SEMA3G: variants seen among roughly 807,000 people sequenced by gnomAD.
SEMA3G encodes semaphorin-3G.
In SEMA3G, 70 loss-of-function variants were observed where a neutral mutation model predicts 86.2. That is an observed-to-expected ratio of 0.81 (90% CI 0.67 to 0.99). The LOEUF is 0.99. Among genes scored for constraint, SEMA3G ranks in the 50% least tolerant of loss-of-function variants. SEMA3G has a pLI of 0.00. For synonymous variants in SEMA3G, 416 were observed against 441.4 expected (o/e 0.94, Z 0.72); for missense variants, 1,002 against 1,072.4 (o/e 0.93, Z 0.92).
chr3:52,441,158 C>G, intron 7 of SEMA3G, 106 bp downstream of exon 7: 1 of 1,509,544 alleles, frequency 6.6e-7, no homozygotes, highest in Non-Finnish European at 9.0e-7. Flanking sequence ...AGCTTTGCAT[C>G]CTTGCCTCAG....
At chr3:52,440,579 A>C in intron 9 of SEMA3G, 58 bp from the exon 10 acceptor site, 1 of 1,561,844 alleles carries the variant, frequency 6.4e-7, no homozygotes, top group Non-Finnish European at 8.7e-7. Flanking sequence ...AGAAGGGAAC[A>C]GCCTGGTTCC....
rs1272324510 is a variant in SEMA3G at position 52,443,152 on chromosome 3, T to C, written c.116-245A>G. On this transcript the variant is annotated intron_variant, in intron 1 of 15. Coordinates refer to ENST00000231721, the MANE Select transcript of SEMA3G (RefSeq NM_020163.3). ...GGCCTACCTCCCACCCCTCCATTCC[T>C]TAGCCCTTCATCATGCAGCTAACAT... 6.4e-6 allele frequency: 6 copies of C among 930,672 alleles called. No homozygotes were observed. In the East Asian group the frequency reaches 1.8e-4, roughly 27 times the overall value. 57.7% of individuals were successfully genotyped at this position (930,672 alleles called of 1,614,324 possible).
chr3:52,441,972 C>A, intron 4 of SEMA3G, 63 bp from the exon 5 acceptor site: 1 of 1,398,384 alleles, frequency 7.2e-7, no homozygotes, highest in Middle Eastern at 2.0e-4. Context: ...GCAGCCCACA[C>A]CCAAGCAGGA....
At position 52,441,697 on chromosome 3, in the gene SEMA3G, T is replaced by TG. The variant is rs759310837; in HGVS notation, c.551-8dup. 1.9e-6 allele frequency: 3 copies of TG among 1,610,414 alleles called. No homozygotes were observed. In the East Asian group the frequency reaches 6.7e-5, roughly 36 times the overall value. ...CCCGTGTACAGCTCCCCGTCTGGGG[T>TG]GGGGGTTGGGGAACAGAGTCAGGGG... On this transcript the variant is annotated splice_region_variant and splice_polypyrimidine_tract_variant and intron_variant, in intron 5 of 15. Coordinates refer to ENST00000231721, the MANE Select transcript of SEMA3G (RefSeq NM_020163.3).
At chr3:52,438,472 C>G (rs1356566140) in intron 13 of SEMA3G, 1 of 985,378 alleles carries the variant, frequency 1.0e-6, no homozygotes, top group African/African-American at 1.7e-5. Context: ...CCTTTGCCCT[C>G]TATCCCAGGG....
chr3:52,433,925 G>GC lies in SEMA3G; in HGVS notation c.*1677dup, dbSNP rs1705997500. The GC allele has an allele frequency of 6.6e-6, 1 of 152,222 alleles. No homozygotes were observed. The highest frequency in any genetic ancestry group is 2.1e-4 in the South Asian group (1 of 4,832). The allele number at this position is 152,222 out of a possible 1,614,324, so 9.4% of individuals were successfully genotyped here. ...ACCGCAGGCTGGAAGGCTTCTCAGG[G>GC]CGTTGATAGGTTAATCTCAGTGCTT... On this transcript the variant is annotated 3_prime_UTR_variant, in exon 16 of 16. Coordinates refer to ENST00000231721, the MANE Select transcript of SEMA3G (RefSeq NM_020163.3).
chr3:52,438,456 T>G (rs1706089160), intron 13 of SEMA3G: 1 of 985,456 alleles, frequency 1.0e-6, no homozygotes, highest in Non-Finnish European at 1.2e-6. Flanking sequence ...CCCTCCCAGG[T>G]GCTGACCTTT....
chr3:52,435,843 G>A lies in SEMA3G; in HGVS notation c.2109C>T (p.Pro703=). 1 of 1,614,070 alleles carries A rather than the reference G, an allele frequency of 6.2e-7. No individual in the cohort carries two copies. Among genetic ancestry groups the A allele is most frequent in the Non-Finnish European group, 8.5e-7 (1 of 1,180,012 alleles). The change falls in exon 16 of 16, where the codon CCC becomes CCT. Residue 703 remains proline (P), a synonymous_variant. Transcript: ENST00000231721. ...PARGGLASTP[P]KAWYKDILQL... Reference sequence around the variant, plus strand: ...GCAGGATGTCCTTGTACCAGGCCTTGGGTGGGGTGGAAGCCAGGCCTCCCC... The same window carrying A: ...GCAGGATGTCCTTGTACCAGGCCTTAGGTGGGGTGGAAGCCAGGCCTCCCC...
Position 52,442,269 on chromosome 3 carries a change from A to ACC in SEMA3G, c.374_375insGG (p.His126ValfsTer8). ...AGGCTAGCAGGTGGGTCCGGTTGTG[A>ACC]GGCTGTAGCACCCGCACGAAGTTGG... On this transcript the variant is annotated frameshift_variant, in exon 4 of 16. Coordinates refer to ENST00000231721, the MANE Select transcript of SEMA3G (RefSeq NM_020163.3). LOFTEE classifies it high-confidence loss of function. The surrounding 1 kb of genome is among the most constrained non-coding windows in gnomAD (Gnocchi z 6.1). 1 of 1,613,284 alleles carries ACC rather than the reference A, an allele frequency of 6.2e-7. No homozygotes were observed. The highest frequency in any genetic ancestry group is 8.5e-7 in the Non-Finnish European group (1 of 1,179,708).
rs1192981918 is a variant in SEMA3G at position 52,444,991 on chromosome 3, C to A, written c.37G>T (p.Gly13Trp). Residue 13 changes from glycine to tryptophan, a missense_variant, in exon 1 of 16, where the codon GGG (glycine) becomes TGG (tryptophan). Transcript: ENST00000231721. ...CTACCCCCATGGAGCAGGAGGCCCC[C>A]TAGCAGCCAGCAAATGGCCCAGGCC... ...PSAWAICWLL[G>W]GLLLHGGSSG... 3.1e-6 allele frequency: 4 copies of A among 1,290,608 alleles called. No individual in the cohort carries two copies. The highest frequency in any genetic ancestry group is 3.0e-6 in the Non-Finnish European group (3 of 1,013,276). The allele number at this position is 1,290,608 out of a possible 1,614,324, so 79.9% of individuals were successfully genotyped here.
chr3:52,440,370 TACTC>T lies in SEMA3G; in HGVS notation c.1143+3_1143+6del, dbSNP rs1164031549. 2 of 1,593,110 alleles carry T rather than the reference TACTC, an allele frequency of 1.3e-6. No individual in the cohort carries two copies. The highest frequency in any genetic ancestry group is 4.5e-5 in the East Asian group (2 of 44,648). On this transcript the variant is annotated splice_donor_5th_base_variant and intron_variant, in intron 10 of 15. Coordinates refer to ENST00000231721, the MANE Select transcript of SEMA3G (RefSeq NM_020163.3). ...GCTTCCCTGGCCTGGCCCCAGCAGA[TACTC>T]ACCACGCCAGGGCGAGGGAAGGGCA...
At position 52,440,732 on chromosome 3, in the gene SEMA3G, C is replaced by T. The variant is rs1331568387; in HGVS notation, c.998+22G>A. ...ACAAAGACAGGGGCCCATCGCAAGG[C>T]CGGGGTGCTGGGTGTGCCCACCTGA... On this transcript the variant is annotated intron_variant, in intron 9 of 15. Coordinates refer to ENST00000231721, the MANE Select transcript of SEMA3G (RefSeq NM_020163.3). 4.4e-6 allele frequency: 7 copies of T among 1,604,472 alleles called. No individual in the cohort carries two copies. In the Admixed American group the frequency reaches 6.7e-5, roughly 15 times the overall value.
chr3:52,441,303 C>G lies in SEMA3G; in HGVS notation c.774G>C (p.Ser258=). 1 of 1,613,638 alleles carries G rather than the reference C, an allele frequency of 6.2e-7. No homozygotes were observed. The change falls in exon 7 of 16, where the codon TCG becomes TCC. Residue 258 remains serine, a synonymous_variant. Coordinates refer to ENST00000231721, the MANE Select transcript of SEMA3G (RefSeq NM_020163.3). ...SETVPSPDGG[S]NHVTVSRVGR... The stretch of plus-strand genomic sequence containing the variant: ...CCACGCGGCTGACAGTGACATGGTT[C>G]GAGCCACCATCGGGCGAGGGGACCG...
intron 15 of SEMA3G, among the ~76,000 whole-genome samples, chr3:52,436,642 G>A (rs1326759830): frequency 6.6e-6 from 1 of 152,248 alleles, no homozygotes; most frequent in Non-Finnish European, 1.5e-5. Flanking sequence ...CCAGCCCAGG[G>A]TGGGCTGATC....
chr3:52,441,859 G>A lies in SEMA3G; in HGVS notation c.510C>T (p.Cys170=). 6.3e-7 allele frequency: 1 copy of A among 1,597,916 alleles called. No homozygotes were observed. Among genetic ancestry groups the A allele is most frequent in the Non-Finnish European group, 8.5e-7 (1 of 1,172,446 alleles). Residue 170 remains cysteine (C), a synonymous_variant, in exon 5 of 16, where the codon TGC becomes TGT. Coordinates refer to ENST00000231721, the MANE Select transcript of SEMA3G (RefSeq NM_020163.3). ...CAAAGGGACGGCTGGGCTCGTGAGG[G>A]CACCGCCCCCGGCCACTTTCCACAC... ...PGSVESGRGR[C]PHEPSRPFAS...
intron 8 of SEMA3G, 48 bp from the exon 9 acceptor site, chr3:52,440,871 T>C (rs779853041): frequency 1.2e-6 from 2 of 1,601,026 alleles, no homozygotes; most frequent in African/African-American, 2.7e-5. Context: ...GCCAATGCCC[T>C]GACTCACCAG....
In SEMA3G at chr3:52,440,517, C is replaced by T. The variant is rs757440125; in HGVS notation, c.1003G>A (p.Val335Met). 2.4e-5 allele frequency: 39 copies of T among 1,607,636 alleles called. No individual in the cohort carries two copies. Among genetic ancestry groups the T allele is most frequent in the Middle Eastern group, 1.7e-4 (1 of 6,022 alleles). Residue 335 changes from valine to methionine, a missense_variant, in exon 10 of 16, where the codon GTG becomes ATG. Coordinates refer to ENST00000231721, the MANE Select transcript of SEMA3G (RefSeq NM_020163.3). Reference protein sequence around the residue: ...VYALFSTVSAVFQGFAVCVYH... With the variant: ...VYALFSTVSAMFQGFAVCVYH... ...ACACAGACGGCGAAGCCCTGGAACA[C>T]GGCACTGCCGGGGCACATGGGACAG... is the stretch of plus-strand genomic sequence containing the variant.
Position 52,438,152 on chromosome 3 carries a change from C to T in SEMA3G, c.1557G>A (p.Leu519=). The T allele has an allele frequency of 1.2e-6, 2 of 1,613,274 alleles. No homozygotes were observed. Among genetic ancestry groups the T allele is most frequent in the East Asian group, 4.5e-5 (2 of 44,876 alleles). Residue 519 remains leucine (L), a synonymous_variant, in exon 14 of 16, where the codon CTG becomes CTA. Coordinates refer to ENST00000231721, the MANE Select transcript of SEMA3G (RefSeq NM_020163.3). ...CAGTGCCGTAAGTCTCACATTGGTG[C>T]AGCCGCAGCTGGGCCACACCCAGCC... ...GSRLGVAQLR[L]HQCETYGTAC...
Position 52,442,168 on chromosome 3 carries a change from G to T in SEMA3G, c.459+17C>A, listed in dbSNP as rs201308064. The T allele has an allele frequency of 6.2e-7, 1 of 1,609,724 alleles. No homozygotes were observed. Among genetic ancestry groups the T allele is most frequent in the Non-Finnish European group, 8.5e-7 (1 of 1,177,828 alleles). Reference sequence around the variant, plus strand: ...TCACTGCCTCCCAGTCCCTTGTGGGGCCTGGCCCAGGCTCACCTCCCCACG... The same window carrying T: ...TCACTGCCTCCCAGTCCCTTGTGGGTCCTGGCCCAGGCTCACCTCCCCACG... On this transcript the variant is annotated intron_variant, in intron 4 of 15. Transcript: ENST00000231721. The surrounding 1 kb of genome is among the most constrained non-coding windows in gnomAD (Gnocchi z 6.1).
Sources: allele counts gnomAD v4.1 joint callset (sites outside exome capture counted in the v4.1 genomes callset), GRCh38; gene constraint gnomAD v4.1.1; non-coding constraint Gnocchi (gnomAD v3.1); transcripts MANE v1.5; gene names NCBI Gene and HGNC (gene_info 2026-07-23, HGNC 2026-07-21).